Variants in TBX18 observed in about 807,000 individuals in gnomAD.
The protein encoded by TBX18 is T-box transcription factor 18, also known as T-box transcription factor TBX18.
In TBX18, 21 loss-of-function variants were observed where a neutral mutation model predicts 55.0. The ratio of observed to expected loss-of-function variants is 0.38; its 90% confidence interval spans 0.27 to 0.55. The LOEUF (loss-of-function observed/expected upper bound fraction) is 0.55, where lower values mean the gene tolerates loss of function less well. Among genes scored for constraint, TBX18 ranks in the 20% least tolerant of loss-of-function variants. TBX18 has a pLI of 0.73. For synonymous variants in TBX18, 342 were observed against 326.1 expected (o/e 1.05, Z -0.53); for missense variants, 840 against 799.6 (o/e 1.05, Z -0.61).
chr6:84,757,607 T>G (rs1767527322), intron 3 of TBX18, among the ~76,000 whole-genome samples: 1 of 152,060 alleles, frequency 6.6e-6, no homozygotes, highest in Non-Finnish European at 1.5e-5. Flanking sequence ...ACTTTGAAAA[T>G]AATGGTATAT....
rs1169670226 is a variant in TBX18 at position 84,737,404 on chromosome 6, C to T, written c.1105G>A (p.Ala369Thr). The T allele has an allele frequency of 6.6e-7, 1 of 1,510,158 alleles. No individual in the cohort carries two copies. Among genetic ancestry groups the T allele is most frequent in the Non-Finnish European group, 8.9e-7 (1 of 1,129,350 alleles). The allele number at this position is 1,510,158 out of a possible 1,614,324, so 93.5% of individuals were successfully genotyped here. The change falls in exon 8 of 8, where the codon GCA becomes ACA. Residue 369 changes from alanine to threonine, a missense_variant. Physicochemically the swap from Ala to Thr is moderately conservative, Grantham distance 58. Transcript: ENST00000369663. ...CCTTGGAGCAAGGTGGAGGAACTTG[C>T]ATTGCCTACAAAAGAAGTTGAAATG... is the stretch of plus-strand genomic sequence containing the variant. Reference protein sequence around the residue: ...DIPGIPKQGNASSSTLLQGTG... With the variant: ...DIPGIPKQGNTSSSTLLQGTG...
Position 84,736,016 on chromosome 6 carries a change from T to C in TBX18, c.*669A>G, listed in dbSNP as rs1485314352. 1 of 151,896 alleles carries C rather than the reference T, an allele frequency of 6.6e-6. No homozygotes were observed. Among genetic ancestry groups the C allele is most frequent in the Non-Finnish European group, 1.5e-5 (1 of 67,942 alleles). 9.4% of individuals were successfully genotyped at this position (151,896 alleles called of 1,614,324 possible). A position where few individuals can be genotyped will look rare whatever the true frequency, so the allele number is the denominator to read the frequency against. ...AACCTCTTATGTGCCCAATGGAAAG[T>C]GTAAAAAAAAAAATCACAAGCCTCT... On this transcript the variant is annotated 3_prime_UTR_variant, in exon 8 of 8. Transcript: ENST00000369663.
chr6:84,756,885 C>A lies in TBX18; in HGVS notation c.600-16G>T. 1 of 1,612,860 alleles carries A rather than the reference C, an allele frequency of 6.2e-7. No homozygotes were observed. Among genetic ancestry groups the A allele is most frequent in the East Asian group, 2.2e-5 (1 of 44,854 alleles). On this transcript the variant is annotated splice_polypyrimidine_tract_variant and intron_variant, in intron 3 of 7. Transcript: ENST00000369663. ...GTAAACATACCTAGAAGGCAATGAC[C>A]AGGCGTTCAGTATACTGTTTTTATC...
chr6:84,740,363 G>A (rs1040743255), intron 6 of TBX18, among the ~76,000 whole-genome samples: 4 of 151,978 alleles, frequency 2.6e-5, no homozygotes, highest in Admixed American at 1.3e-4. Context: ...AATCTCCCTG[G>A]ACTTCAGTTT....
chr6:84,744,534 T>A (rs1767131042), intron 5 of TBX18, among the ~76,000 whole-genome samples: 1 of 152,202 alleles, frequency 6.6e-6, no homozygotes, highest in Non-Finnish European at 1.5e-5. Flanking sequence ...CTAAAAAAGA[T>A]ACTTCACTCC....
chr6:84,746,006 C>T (rs373580046), intron 5 of TBX18, among the ~76,000 whole-genome samples: 2 of 152,086 alleles, frequency 1.3e-5, no homozygotes, highest in Non-Finnish European at 2.9e-5. Context: ...AACAATGTTC[C>T]GTTAAGTTCT....
chr6:84,763,297 C>A, intron 1 of TBX18: 1 of 441,094 alleles, frequency 2.3e-6, no homozygotes, highest in East Asian at 7.0e-5. Context: ...TCAGACCCCG[C>A]TTTCGCCAAA....
intron 2 of TBX18, among the ~76,000 whole-genome samples, chr6:84,762,162 GA>G (rs60538128): frequency 2.7e-5 from 4 of 148,912 alleles, no homozygotes; most frequent in South Asian, 2.1e-4. Flanking sequence ...AAAGAGAAAG[GA>G]AAAAAAAAAG....
At chr6:84,762,509 G>C in intron 2 of TBX18, 35 bp downstream of exon 2, 1 of 1,611,002 alleles carries the variant, frequency 6.2e-7, no homozygotes. Flanking sequence ...AGGGTCTGGG[G>C]TAGGGAGGGG....
intron 3 of TBX18, among the ~76,000 whole-genome samples, chr6:84,759,741 T>C (rs1157896613): frequency 6.6e-6 from 1 of 151,960 alleles, no homozygotes; most frequent in Non-Finnish European, 1.5e-5. Flanking sequence ...TAATATCACA[T>C]AAATTAGAAG....
At chr6:84,745,537 T>C (rs1767159282) in intron 5 of TBX18, among the ~76,000 whole-genome samples, 1 of 152,146 alleles carries the variant, frequency 6.6e-6, no homozygotes, top group African/African-American at 2.4e-5. Flanking sequence ...ATGTGTTCCA[T>C]ATGATGTTAT....
chr6:84,761,501 A>G (rs888938846), intron 2 of TBX18, among the ~76,000 whole-genome samples: 2 of 152,200 alleles, frequency 1.3e-5, no homozygotes, highest in Non-Finnish European at 2.9e-5. Flanking sequence ...CATTAATAAA[A>G]GCTCTGTGAA....
chr6:84,740,744 GCTT>G lies in TBX18; in HGVS notation c.1005-2156_1005-2154del, dbSNP rs550748510. Among the ~76,000 whole-genome samples, 22 of 152,212 alleles carry G rather than the reference GCTT, an allele frequency of 1.4e-4. No individual in the cohort carries two copies. In the East Asian group the frequency reaches 1.9e-3, roughly 13 times the overall value. ...TTAAGACACAGCTTAATATAAAACA[GCTT>G]CTTATTACCACATAGATGAGTTTAA... On this transcript the variant is annotated intron_variant, in intron 6 of 7. Coordinates refer to ENST00000369663, the MANE Select transcript of TBX18 (RefSeq NM_001080508.3).
chr6:84,741,029 C>A (rs1380780790), intron 6 of TBX18: 2 of 152,200 alleles, frequency 1.3e-5, no homozygotes, highest in Non-Finnish European at 2.9e-5. Context: ...GCTGACATAT[C>A]TACAAGTGAT....
intron 5 of TBX18, among the ~76,000 whole-genome samples, chr6:84,745,282 T>C (rs532048387): frequency 6.6e-6 from 1 of 152,194 alleles, no homozygotes; most frequent in South Asian, 2.1e-4. Flanking sequence ...CACTAATAAA[T>C]ACCATCCCAT....
intron 3 of TBX18, among the ~76,000 whole-genome samples, chr6:84,759,444 C>T (rs993385526): frequency 3.3e-5 from 5 of 151,876 alleles, no homozygotes; most frequent in African/African-American, 1.2e-4. Context: ...ACAGTATCTT[C>T]GAATCTTCCA....
rs890061674 is a variant in TBX18 at position 84,763,887 on chromosome 6, C to T, written c.292+3G>A. 13 of 1,500,988 alleles carry T rather than the reference C, an allele frequency of 8.7e-6. No individual in the cohort carries two copies. The highest frequency in any genetic ancestry group is 1.1e-5 in the Non-Finnish European group (13 of 1,134,834). 93.0% of individuals were successfully genotyped at this position (1,500,988 alleles called of 1,614,324 possible). ...AGTTATAGGCAGGAAGGGGCCCACTCACCCGCGGCTCCGCGCTCCAGGTCT... is the reference window on the plus strand; with the variant it reads ...AGTTATAGGCAGGAAGGGGCCCACTTACCCGCGGCTCCGCGCTCCAGGTCT... On this transcript the variant is annotated splice_donor_region_variant and intron_variant, in intron 1 of 7. Coordinates refer to ENST00000369663, the MANE Select transcript of TBX18 (RefSeq NM_001080508.3).
rs183984431 is a variant in TBX18 at position 84,759,142 on chromosome 6, T to C, written c.599+1113A>G. ...CTTTAATGTTTTCTAGCTTCTGTCA[T>C]GTGGTAGATCATTTTAGCAAAACTC... On this transcript the variant is annotated intron_variant, in intron 3 of 7. Coordinates refer to ENST00000369663, the MANE Select transcript of TBX18 (RefSeq NM_001080508.3). Among the ~76,000 whole-genome samples the C allele has an allele frequency of 3.6e-4, 55 of 152,294 alleles. 1 individual carries two copies. Among genetic ancestry groups the C allele is most frequent in the Admixed American group, 3.1e-3 (47 of 15,308 alleles).
At chr6:84,755,658 A>G (rs891441156) in intron 4 of TBX18, among the ~76,000 whole-genome samples, 1 of 152,232 alleles carries the variant, frequency 6.6e-6, no homozygotes, top group Non-Finnish European at 1.5e-5. Flanking sequence ...TTAAGTCATA[A>G]AAGGCAACAA....
Sources: gnomAD v4.1 joint callset for allele counts (sites outside exome capture counted in the v4.1 genomes callset) on GRCh38, gnomAD v4.1.1 for gene constraint, MANE v1.5 for transcripts, NCBI Gene and HGNC (gene_info 2026-07-23, HGNC 2026-07-21) for gene names.